ABHD2: variants seen among roughly 807,000 people sequenced by gnomAD.
ABHD2 encodes abhydrolase domain containing 2, acylglycerol lipase, also known as monoacylglycerol lipase ABHD2.
A neutral mutation model predicts 48.1 loss-of-function variants in ABHD2; 20 were observed. That is an observed-to-expected ratio of 0.42 (90% confidence interval 0.29 to 0.60). The LOEUF is 0.60. ABHD2 is among the 20% of genes least tolerant of loss of function. ABHD2 has a pLI of 0.24. For missense variants in ABHD2, 405 were observed against 550.9 expected (o/e 0.74, Z 2.65); for synonymous variants, 209 against 214.2 (o/e 0.98, Z 0.21).
At chr15:89,169,573 A>G (rs1311021858) in intron 5 of ABHD2, among the ~76,000 whole-genome samples, 2 of 152,194 alleles carry the variant, frequency 1.3e-5, no homozygotes, top group Non-Finnish European at 2.9e-5. Flanking sequence ...TGACAAAATT[A>G]GGCAGAAACC....
At chr15:89,077,698 T>C in the ABHD2 span, among the ~76,000 whole-genome samples, 3 of 152,086 alleles carry the variant, frequency 2.0e-5, no homozygotes, top group African/African-American at 7.2e-5. Context: ...TTAGTAAGGG[T>C]TTTATAAATG....
chr15:89,193,390 A>G lies in ABHD2; in HGVS notation c.1081+71A>G, dbSNP rs139254426. 6.3e-6 allele frequency: 8 copies of G among 1,262,232 alleles called. 1 individual carries two copies. The highest frequency in any genetic ancestry group is 4.8e-5 in the South Asian group (4 of 83,962). The allele number at this position is 1,262,232 out of a possible 1,614,324, so 78.2% of individuals were successfully genotyped here. A position where few individuals can be genotyped will look rare whatever the true frequency, so the allele number is the denominator to read the frequency against. Reference sequence around the variant, plus strand: ...CACAGTAAATTCTGTCACCTTCACCATGCTGTCATCTCCTGGAGACCACCC... The same window carrying G: ...CACAGTAAATTCTGTCACCTTCACCGTGCTGTCATCTCCTGGAGACCACCC... On this transcript the variant is annotated intron_variant, in intron 10 of 10. Coordinates refer to ENST00000352732, the MANE Select transcript of ABHD2 (RefSeq NM_152924.5).
Position 89,098,308 on chromosome 15 carries a change from A to G in ABHD2, c.-107+9745A>G, listed in dbSNP as rs78860525. ...ATTCCTAGGATTATGTGATTGTGCT[A>G]GAGTCCTCACAGCTGGGAAATGTTC... On this transcript the variant is annotated intron_variant, in intron 1 of 10. Coordinates refer to ENST00000352732, the MANE Select transcript of ABHD2 (RefSeq NM_152924.5). 2.2e-3 allele frequency among the ~76,000 whole-genome samples: 342 copies of G among 152,298 alleles called. 2 individuals carry two copies. Among genetic ancestry groups the G allele is most frequent in the South Asian group, 7.9e-3 (38 of 4,828 alleles).
At position 89,198,117 on chromosome 15, in the gene ABHD2, C is replaced by G. The variant is rs2051433539; in HGVS notation, c.*2694C>G. 1 of 152,184 alleles carries G rather than the reference C, an allele frequency of 6.6e-6. No homozygotes were observed. Among genetic ancestry groups the G allele is most frequent in the Admixed American group, 6.5e-5 (1 of 15,278 alleles). The allele number at this position is 152,184 out of a possible 1,614,324, so 9.4% of individuals were successfully genotyped here. A position where few individuals can be genotyped will look rare whatever the true frequency, so the allele number is the denominator to read the frequency against. On this transcript the variant is annotated 3_prime_UTR_variant, in exon 11 of 11. Coordinates refer to ENST00000352732, the MANE Select transcript of ABHD2 (RefSeq NM_152924.5). The surrounding 1 kb of genome is among the most constrained non-coding windows in gnomAD (Gnocchi z 5.1). ...CCTTTCTTCCCAAAGTCATTCATTT[C>G]TGATGAGTATATGAATCCCCCTCTT...
upstream of ABHD2, chr15:89,088,028 C>T (rs915138668): frequency 1.3e-5 from 2 of 152,288 alleles, no homozygotes; most frequent in African/African-American, 2.4e-5. This position sits in a 1 kb window ranked among gnomAD's most constrained non-coding sequence, Gnocchi z 6.8. Flanking sequence ...AGCTACCAGC[C>T]GACCTCATTC....
chr15:89,139,907 C>T (rs1175127342), intron 3 of ABHD2, among the ~76,000 whole-genome samples: 1 of 152,180 alleles, frequency 6.6e-6, no homozygotes, highest in Non-Finnish European at 1.5e-5. Flanking sequence ...CAGCACGCAG[C>T]CAGCAGAGGA....
chr15:89,137,365 T>A lies in ABHD2; in HGVS notation c.195-14312T>A, dbSNP rs1051577434. ...GGTTTTAACTGGTTTTCTTTGAACT[T>A]TAGAAAAGCACATTTATTTTTCCTT... On this transcript the variant is annotated intron_variant, in intron 3 of 10. Transcript: ENST00000352732. This position sits in a 1 kb window ranked among gnomAD's most constrained non-coding sequence, Gnocchi z 4.8. Among the ~76,000 whole-genome samples, 2 of 152,190 alleles carry A rather than the reference T, an allele frequency of 1.3e-5. No individual in the cohort carries two copies. Among genetic ancestry groups the A allele is most frequent in the Non-Finnish European group, 2.9e-5 (2 of 68,024 alleles).
the ABHD2 span, among the ~76,000 whole-genome samples, chr15:89,060,041 G>A: frequency 2.8e-3 from 403 of 145,624 alleles, 1 homozygote; most frequent in African/African-American, 9.5e-3. Flanking sequence ...TCATTGAAAA[G>A]CTTGTCCCTT....
chr15:89,170,445 C>T (rs1220976440), intron 5 of ABHD2, among the ~76,000 whole-genome samples: 1 of 151,576 alleles, frequency 6.6e-6, no homozygotes, highest in Non-Finnish European at 1.5e-5. Flanking sequence ...AACCAGTCCT[C>T]TACTGATGGA....
At chr15:89,148,029 G>T (rs868726653) in intron 3 of ABHD2, among the ~76,000 whole-genome samples, 1 of 141,022 alleles carries the variant, frequency 7.1e-6, no homozygotes, top group Non-Finnish European at 1.5e-5. Flanking sequence ...TGAGGCAAGA[G>T]AATCTGTTGG....
rs2051173401 is a variant in ABHD2, at chr15:89,184,530, G to A, written c.723-894G>A. Reference sequence around the variant, plus strand: ...TGCGTTTGGATTCACGCCCAAGGGAGGAGAGCAGTGAGTGGGGAGGGCTGG... The same window carrying A: ...TGCGTTTGGATTCACGCCCAAGGGAAGAGAGCAGTGAGTGGGGAGGGCTGG... On this transcript the variant is annotated intron_variant, in intron 6 of 10. Transcript: ENST00000352732. This position sits in a 1 kb window ranked among gnomAD's most constrained non-coding sequence, Gnocchi z 5.1. 6.6e-6 allele frequency among the ~76,000 whole-genome samples: 1 copy of A among 152,194 alleles called. No individual in the cohort carries two copies. The highest frequency in any genetic ancestry group is 2.1e-4 in the South Asian group (1 of 4,824).
chr15:89,082,334 T>C, the ABHD2 span, among the ~76,000 whole-genome samples: 1 of 152,264 alleles, frequency 6.6e-6, no homozygotes, highest in South Asian at 2.1e-4. The surrounding 1 kb of genome is among the most constrained non-coding windows in gnomAD (Gnocchi z 4.4). Context: ...TGCGAGGATA[T>C]CCAAATACCC....
intron 3 of ABHD2, among the ~76,000 whole-genome samples, chr15:89,138,930 A>G (rs1255391912): frequency 6.6e-6 from 1 of 151,796 alleles, no homozygotes; most frequent in Non-Finnish European, 1.5e-5. Context: ...AGATTAAGCT[A>G]GAAGGCCGGG....
intron 1 of ABHD2, among the ~76,000 whole-genome samples, chr15:89,112,050 T>A (rs755773862): frequency 5.5e-4 from 83 of 152,182 alleles, no homozygotes; most frequent in Non-Finnish European, 1.6e-4. Flanking sequence ...CATATTCAGA[T>A]GCTTACGGGG....
chr15:89,055,101 G>A, the ABHD2 span, among the ~76,000 whole-genome samples: 372 of 152,158 alleles, frequency 2.4e-3, 2 homozygotes, highest in African/African-American at 8.1e-3. Flanking sequence ...AGAGGCTGAG[G>A]CAAGGAGGAT....
At chr15:89,117,974 A>T (rs1007095679) in intron 3 of ABHD2, among the ~76,000 whole-genome samples, 3 of 152,180 alleles carry the variant, frequency 2.0e-5, no homozygotes, top group African/African-American at 7.2e-5. Flanking sequence ...AGTGGTGGAC[A>T]CTATAAATGT....
rs570929163 is a variant in ABHD2 at position 89,199,237 on chromosome 15, G to A, written c.*3814G>A. On this transcript the variant is annotated 3_prime_UTR_variant, in exon 11 of 11. Transcript: ENST00000352732. This position sits in a 1 kb window ranked among gnomAD's most constrained non-coding sequence, Gnocchi z 4.1. ...GTTTGTGTTTGCTCAGCAAGCAGAT[G>A]TCTGAGATGTAAGAAGCTTTTCTTT... is the stretch of plus-strand genomic sequence containing the variant. 10 of 152,200 alleles carry A rather than the reference G, an allele frequency of 6.6e-5. No homozygotes were observed. The highest frequency in any genetic ancestry group is 2.6e-4 in the Admixed American group (4 of 15,246). 9.4% of individuals were successfully genotyped at this position (152,200 alleles called of 1,614,324 possible).
At chr15:89,074,686 C>T in the ABHD2 span, among the ~76,000 whole-genome samples, 5 of 152,144 alleles carry the variant, frequency 3.3e-5, no homozygotes, top group Non-Finnish European at 5.9e-5. Flanking sequence ...GAAGAGCTGC[C>T]CCCAGGCCTG....
At chr15:89,127,247 G>C (rs1252316729) in intron 3 of ABHD2, among the ~76,000 whole-genome samples, 1 of 152,168 alleles carries the variant, frequency 6.6e-6, no homozygotes, top group Admixed American at 6.5e-5. Flanking sequence ...TAATCATAGA[G>C]TGAGGGCTCT....
Sources: gnomAD v4.1 joint callset for allele counts (sites outside exome capture counted in the v4.1 genomes callset) on GRCh38, gnomAD v4.1.1 for gene constraint, Gnocchi (gnomAD v3.1) non-coding constraint, MANE v1.5 for transcripts, NCBI Gene and HGNC (gene_info 2026-07-23, HGNC 2026-07-21) for gene names.